The following SH3RF3 variants were observed in gnomAD, a reference collection of about 807,000 sequenced individuals.
SH3RF3 encodes SH3 domain containing ring finger 3, also known as E3 ubiquitin-protein ligase SH3RF3.
In SH3RF3, 29 loss-of-function variants were observed where a neutral mutation model predicts 66.3. That is an observed-to-expected ratio of 0.44 (90% confidence interval 0.33 to 0.60). The LOEUF (loss-of-function observed/expected upper bound fraction) is 0.60. Ranked by LOEUF, SH3RF3 falls within the 20% of genes least tolerant of loss-of-function variation. SH3RF3 has a pLI of 0.04. For missense variants in SH3RF3, 1,194 were observed against 1,190.9 expected (o/e 1.00, Z -0.04); for synonymous variants, 583 against 532.0 (o/e 1.10, Z -1.32).
intron 1 of SH3RF3, among the ~76,000 whole-genome samples, chr2:109,206,108 C>T (rs1202219623): frequency 6.6e-6 from 1 of 152,100 alleles, no homozygotes; most frequent in African/African-American, 2.4e-5. Flanking sequence ...GATGGGTGAC[C>T]CAAGCCACCC....
At chr2:109,239,678 G>A (rs1485831794) in intron 1 of SH3RF3, among the ~76,000 whole-genome samples, 1 of 152,118 alleles carries the variant, frequency 6.6e-6, no homozygotes, top group African/African-American at 2.4e-5. Context: ...GAGCTTTCTT[G>A]GTGGAGTAAT....
At chr2:109,434,175 A>G (rs1454385042) in intron 6 of SH3RF3, among the ~76,000 whole-genome samples, 1 of 152,228 alleles carries the variant, frequency 6.6e-6, no homozygotes, top group Non-Finnish European at 1.5e-5. Context: ...CTCCCTGACC[A>G]GCTGGCACCC....
intron 1 of SH3RF3, among the ~76,000 whole-genome samples, chr2:109,341,038 AC>A (rs1269185514): frequency 6.6e-6 from 1 of 152,206 alleles, no homozygotes; most frequent in Non-Finnish European, 1.5e-5. Context: ...TGGCCTCGTC[AC>A]CCTGTGTTTG....
chr2:109,314,359 G>A (rs1448979703), intron 1 of SH3RF3, among the ~76,000 whole-genome samples: 3 of 152,174 alleles, frequency 2.0e-5, no homozygotes, highest in African/African-American at 7.2e-5. Context: ...AAATGGCTCC[G>A]TTGAAGGGTG....
chr2:109,415,152 G>A (rs1235134127), intron 4 of SH3RF3, among the ~76,000 whole-genome samples: 1 of 152,122 alleles, frequency 6.6e-6, no homozygotes, highest in African/African-American at 2.4e-5. Context: ...GCAGGGAATT[G>A]GAGTCTCCTC....
chr2:109,272,368 T>G (rs1197070713), intron 1 of SH3RF3, among the ~76,000 whole-genome samples: 1 of 152,196 alleles, frequency 6.6e-6, no homozygotes, highest in African/African-American at 2.4e-5. Flanking sequence ...GAAGAGCTGG[T>G]GCAGAAGCAG....
chr2:109,230,321 A>C (rs1247341156), intron 1 of SH3RF3, among the ~76,000 whole-genome samples: 2 of 152,120 alleles, frequency 1.3e-5, no homozygotes, highest in East Asian at 3.9e-4. Context: ...CACGCCTGTA[A>C]ACCCAGCACT....
chr2:109,233,175 C>G (rs1401870679), intron 1 of SH3RF3, among the ~76,000 whole-genome samples: 2 of 152,186 alleles, frequency 1.3e-5, no homozygotes, highest in Non-Finnish European at 2.9e-5. Flanking sequence ...AGTGGACAGT[C>G]AGGGTGACAG....
At chr2:109,402,299 T>G (rs993707304) in intron 4 of SH3RF3, among the ~76,000 whole-genome samples, 1 of 152,246 alleles carries the variant, frequency 6.6e-6, no homozygotes, top group Non-Finnish European at 1.5e-5. Flanking sequence ...GGTCCTGCTG[T>G]GACCACAGTG....
chr2:109,178,008 G>A (rs547600659), intron 1 of SH3RF3, among the ~76,000 whole-genome samples: 53 of 152,212 alleles, frequency 3.5e-4, no homozygotes, highest in African/African-American at 1.2e-3. Flanking sequence ...TAAACAAAGG[G>A]CCTAAATCTT....
chr2:109,353,997 G>C (rs929690285), intron 2 of SH3RF3, among the ~76,000 whole-genome samples: 1 of 152,190 alleles, frequency 6.6e-6, no homozygotes, highest in African/African-American at 2.4e-5. Context: ...CGAAGTCTCA[G>C]TGACAGCAGG....
At chr2:109,345,361 G>T (rs376413671) in intron 1 of SH3RF3, among the ~76,000 whole-genome samples, 3 of 152,276 alleles carry the variant, frequency 2.0e-5, no homozygotes, top group African/African-American at 7.2e-5. Context: ...CAGATAGCAC[G>T]AGCCGGCCGC....
At chr2:109,406,749 T>G (rs1006379552) in intron 4 of SH3RF3, among the ~76,000 whole-genome samples, 2 of 152,172 alleles carry the variant, frequency 1.3e-5, no homozygotes, top group Non-Finnish European at 2.9e-5. Flanking sequence ...GCCTTCTGAC[T>G]CCTGGTGTAG....
At chr2:109,130,973 T>A (rs1307348159) in intron 1 of SH3RF3, among the ~76,000 whole-genome samples, 1 of 152,108 alleles carries the variant, frequency 6.6e-6, no homozygotes, top group Non-Finnish European at 1.5e-5. Context: ...GACCCGGGTT[T>A]TGTTAATTTC....
At chr2:109,137,447 G>A (rs1169885307) in intron 1 of SH3RF3, among the ~76,000 whole-genome samples, 1 of 152,266 alleles carries the variant, frequency 6.6e-6, no homozygotes, top group Non-Finnish European at 1.5e-5. Flanking sequence ...TGCTCTGGAA[G>A]TGCCACATGC....
At chr2:109,492,818 G>A (rs1679164331) in intron 9 of SH3RF3, among the ~76,000 whole-genome samples, 1 of 152,050 alleles carries the variant, frequency 6.6e-6, no homozygotes, top group African/African-American at 2.4e-5. Flanking sequence ...TTATCAGCTT[G>A]TGGACATCGT....
chr2:109,457,532 C>T (rs141457176), intron 8 of SH3RF3, among the ~76,000 whole-genome samples: 1 of 152,366 alleles, frequency 6.6e-6, no homozygotes, highest in Non-Finnish European at 1.5e-5. Context: ...ATCAGGATTA[C>T]TGTGAAATCC....
intron 4 of SH3RF3, among the ~76,000 whole-genome samples, chr2:109,410,136 G>A (rs1212614927): frequency 6.6e-6 from 1 of 152,210 alleles, no homozygotes; most frequent in Admixed American, 6.5e-5. Context: ...AGGCTCTAGT[G>A]TCTGGTTACA....
intron 1 of SH3RF3, among the ~76,000 whole-genome samples, chr2:109,152,362 C>A (rs1011063470): frequency 1.3e-5 from 2 of 152,178 alleles, no homozygotes; most frequent in Admixed American, 1.3e-4. Context: ...TGGCAAATCC[C>A]TCTTATATTG....
Sources: gnomAD v4.1 joint callset for allele counts (sites outside exome capture counted in the v4.1 genomes callset) on GRCh38, gnomAD v4.1.1 for gene constraint, MANE v1.5 for transcripts, NCBI Gene and HGNC (gene_info 2026-07-23, HGNC 2026-07-21) for gene names.